Variants in ACSS1 observed in about 807,000 individuals in gnomAD.
ACSS1 encodes acetyl-coenzyme A synthetase 2-like, mitochondrial.
Under a neutral mutation model 75.3 loss-of-function variants are expected in ACSS1, and 42 were observed. The ratio of observed to expected loss-of-function variants is 0.56; its 90% confidence interval spans 0.44 to 0.72. The LOEUF (loss-of-function observed/expected upper bound fraction) is 0.72, where lower values mean the gene tolerates loss of function less well. Among genes scored for constraint, ACSS1 ranks in the 30% least tolerant of loss-of-function variants. The pLI, the probability that ACSS1 is intolerant of heterozygous loss-of-function variation, is 0.00. For synonymous variants in ACSS1, 380 were observed against 376.8 expected, an observed-to-expected ratio of 1.01 and a Z score of -0.10; for missense variants, 782 against 935.7, an observed-to-expected ratio of 0.84 and a Z score of 2.14.
intron 2 of ACSS1, among the ~76,000 whole-genome samples, chr20:25,040,621 G>A (rs2088984460): frequency 6.6e-6 from 1 of 152,230 alleles, no homozygotes; most frequent in Non-Finnish European, 1.5e-5. Context: ...ACATTTGCCA[G>A]TGATCATGGT....
chr20:25,057,704 G>C (rs1183664835), intron 1 of ACSS1, 65 bp downstream of exon 1: 2 of 1,448,638 alleles, frequency 1.4e-6, no homozygotes, highest in Non-Finnish European at 1.9e-6. Context: ...CCGCTGGCGA[G>C]AGGCTCCGAG....
chr20:25,013,724 A>G (rs1307944060), intron 9 of ACSS1, 62 bp from the exon 10 acceptor site: 2 of 1,549,898 alleles, frequency 1.3e-6, no homozygotes, highest in East Asian at 4.6e-5. Flanking sequence ...GTGCCAAAAA[A>G]TGACAAGCCC....
intron 2 of ACSS1, among the ~76,000 whole-genome samples, chr20:25,035,571 A>G (rs1467241995): frequency 6.6e-6 from 1 of 151,972 alleles, no homozygotes; most frequent in African/African-American, 2.4e-5. Flanking sequence ...ACACCCAGCT[A>G]ATTTTTGTAT....
intron 1 of ACSS1, among the ~76,000 whole-genome samples, chr20:25,050,185 C>T (rs1327836946): frequency 1.3e-5 from 2 of 152,066 alleles, no homozygotes; most frequent in Admixed American, 1.3e-4. Context: ...TGCAGGCATG[C>T]GTGTGTGAGT....
chr20:25,052,238 A>T (rs1156237637), intron 1 of ACSS1, among the ~76,000 whole-genome samples: 3 of 151,694 alleles, frequency 2.0e-5, no homozygotes, highest in East Asian at 1.9e-4. Context: ...AAGAAAGTTT[A>T]AAAAAAAATC....
intron 7 of ACSS1, among the ~76,000 whole-genome samples, chr20:25,017,637 C>A (rs1402376981): frequency 6.6e-6 from 1 of 152,242 alleles, no homozygotes; most frequent in Non-Finnish European, 1.5e-5. Flanking sequence ...CCCAGCTGAG[C>A]CTCTGCTGGG....
chr20:25,027,779 C>CAAAAAAAAAAAAAAAAAAAAAA (rs78414153), intron 3 of ACSS1, among the ~76,000 whole-genome samples: 1 of 75,358 alleles, frequency 1.3e-5, no homozygotes, highest in Non-Finnish European at 2.7e-5. Context: ...AGTGATCAGG[C>CAAAAAAAAAAAAAAAAAAAAAA]AAAAAAAAAA....
chr20:25,030,196 G>A (rs1358215509), intron 3 of ACSS1, among the ~76,000 whole-genome samples: 1 of 152,202 alleles, frequency 6.6e-6, no homozygotes, highest in Non-Finnish European at 1.5e-5. Flanking sequence ...ACAGCAGGGT[G>A]CAGAGATCAG....
At chr20:25,043,323 A>T (rs1030115422) in intron 2 of ACSS1, among the ~76,000 whole-genome samples, 1 of 152,200 alleles carries the variant, frequency 6.6e-6, no homozygotes, top group African/African-American at 2.4e-5. Flanking sequence ...GTGTTCGAAG[A>T]CATCCAGGGC....
chr20:25,008,004 C>T, intron 13 of ACSS1, 63 bp from the exon 14 acceptor site: 2 of 1,563,328 alleles, frequency 1.3e-6, no homozygotes, highest in South Asian at 2.4e-5. Context: ...CTAGCGTGGA[C>T]TGCATTAAGA....
chr20:25,020,097 C>T lies in ACSS1; in HGVS notation c.1159G>A (p.Ala387Thr), dbSNP rs377038551. The T allele has an allele frequency of 2.0e-5, 32 of 1,614,098 alleles. 1 individual carries two copies. Among genetic ancestry groups the T allele is most frequent in the South Asian group, 1.9e-4 (17 of 91,096 alleles). Reference protein sequence around the residue: ...ERLKINQFYGAPTAVRLLLKY... With the variant: ...ERLKINQFYGTPTAVRLLLKY... ...AGCAACAGCCGGACAGCCGTTGGGG[C>T]GCCATAGAACTGATTGATCTTCAAC... Residue 387 changes from alanine (A) to threonine (T), a missense_variant, in exon 7 of 14, where the codon GCC becomes ACC. Coordinates refer to ENST00000323482, the MANE Select transcript of ACSS1 (RefSeq NM_032501.4).
Position 25,036,983 on chromosome 20 carries a change from GAAAAA to G in ACSS1, c.432-6030_432-6026del, listed in dbSNP as rs1207920521. The stretch of plus-strand genomic sequence containing the variant: ...AAAAAAAAGAAGAAGAAGAAAGAAA[GAAAAA>G]GAAAGAAAGAAGAAAGAAAGGAAGG... On this transcript the variant is annotated intron_variant, in intron 2 of 13. Coordinates refer to ENST00000323482, the MANE Select transcript of ACSS1 (RefSeq NM_032501.4). Among the ~76,000 whole-genome samples the G allele has an allele frequency of 2.5e-4, 27 of 105,950 alleles. 1 individual carries two copies. Among genetic ancestry groups the G allele is most frequent in the African/African-American group, 9.6e-4 (25 of 25,954 alleles). 69.5% of individuals were successfully genotyped at this position (105,950 alleles called of 152,430 possible). A position where few individuals can be genotyped will look rare whatever the true frequency, so the allele number is the denominator to read the frequency against.
Position 25,020,011 on chromosome 20 carries a change from T to C in ACSS1, c.1245A>G (p.Ser415=). ...CCTGCTGCAGGGCAGGCCGCTCACC[T>C]GACCCCAGGGTCCGCAGGGAGGAGC... ...YDRSSLRTLG[S]VGEPINCEAW... is the part of the protein sequence containing the mutation. Residue 415 remains serine (S), a splice_region_variant and synonymous_variant, in exon 7 of 14, where the codon TCA becomes TCG. Transcript: ENST00000323482. 1 of 1,614,226 alleles carries C rather than the reference T, an allele frequency of 6.2e-7. No homozygotes were observed.
At chr20:25,021,034 G>T (rs555987648) in intron 6 of ACSS1, among the ~76,000 whole-genome samples, 1 of 152,230 alleles carries the variant, frequency 6.6e-6, no homozygotes, top group Non-Finnish European at 1.5e-5. Flanking sequence ...CAGAAGTGGC[G>T]GGCAGCTGGC....
At chr20:25,047,933 C>T (rs985864716) in intron 2 of ACSS1, 152 bp downstream of exon 2, 11 of 595,202 alleles carry the variant, frequency 1.8e-5, no homozygotes, top group African/African-American at 7.4e-5. Flanking sequence ...ATTCTGCTTG[C>T]GTTCACATTT....
rs769090476 is a variant in ACSS1, at chr20:25,057,758, A to C, written c.334+11T>G. Reference sequence around the variant, plus strand: ...GTTGGGGGCGTCCTGGGTCTCCCGAAGCCCACTCACCAGAGACATTTAACT... The same window carrying C: ...GTTGGGGGCGTCCTGGGTCTCCCGACGCCCACTCACCAGAGACATTTAACT... On this transcript the variant is annotated intron_variant, in intron 1 of 13. Transcript: ENST00000323482. 1 of 1,547,812 alleles carries C rather than the reference A, an allele frequency of 6.5e-7. No individual in the cohort carries two copies. Among genetic ancestry groups the C allele is most frequent in the Non-Finnish European group, 8.8e-7 (1 of 1,135,998 alleles).
rs2089057299 is a variant in ACSS1 at position 25,044,663 on chromosome 20, G to T, written c.431+3422C>A. ...TAAAATGGGCACCTGCTGGAGAAGT[G>T]CAGGTAAACAGCCAGAAAGAGCCAC... On this transcript the variant is annotated intron_variant, in intron 2 of 13. Transcript: ENST00000323482. 2.0e-5 allele frequency among the ~76,000 whole-genome samples: 3 copies of T among 152,242 alleles called. No homozygotes were observed. In the South Asian group the frequency reaches 6.2e-4, roughly 31 times the overall value.
chr20:25,025,416 T>C (rs1037265417), intron 3 of ACSS1, among the ~76,000 whole-genome samples: 24 of 152,328 alleles, frequency 1.6e-4, no homozygotes, highest in Middle Eastern at 3.4e-3. Flanking sequence ...TTCAATTTTC[T>C]CTCCCTGGTT....
At position 25,057,915 on chromosome 20, in the gene ACSS1, G is replaced by A. The variant is rs761202545; in HGVS notation, c.188C>T (p.Ala63Val). The change falls in exon 1 of 14, where the codon GCA becomes GTA. Residue 63 changes from alanine (A) to valine (V), a missense_variant. Physicochemically the swap from Ala to Val is moderately conservative, Grantham distance 64. Transcript: ENST00000323482. ...GGCGGCCGGCTCCCGGGCTGCCTGT[G>A]CACTCAGCGCGGGATACGAGCCTGG... The part of the protein sequence containing the change: ...AQPGSYPALS[A>V]QAAREPAAFW... 2 of 1,611,362 alleles carry A rather than the reference G, an allele frequency of 1.2e-6. No homozygotes were observed. Among genetic ancestry groups the A allele is most frequent in the Non-Finnish European group, 1.7e-6 (2 of 1,179,236 alleles).
Sources: allele counts gnomAD v4.1 joint callset (sites outside exome capture counted in the v4.1 genomes callset), GRCh38; gene constraint gnomAD v4.1.1; transcripts MANE v1.5; gene names NCBI Gene and HGNC (gene_info 2026-07-23, HGNC 2026-07-21).